The following TAB2 variants were observed in gnomAD, a reference collection of about 807,000 sequenced individuals.
TAB2 encodes the protein TGF-beta activated kinase 1 (MAP3K7) binding protein 2, also known as TGF-beta-activated kinase 1 and MAP3K7-binding protein 2.
A neutral mutation model predicts 65.0 loss-of-function variants in TAB2; 3 were observed. The observed-to-expected ratio is 0.05, with a 90% CI of 0.02 to 0.12. The LOEUF (loss-of-function observed/expected upper bound fraction) is 0.12. Among genes scored for constraint, TAB2 ranks in the 10% least tolerant of loss-of-function variants. TAB2 has a pLI of 1.00. For synonymous variants in TAB2, 298 were observed against 285.1 expected, an observed-to-expected ratio of 1.05 and a Z score of -0.46; for missense variants, 623 against 840.3, an observed-to-expected ratio of 0.74 and a Z score of 3.20.
chr6:149,376,739 G>A lies in TAB2; in HGVS notation c.103-1279G>A, dbSNP rs188440285. On this transcript the variant is annotated intron_variant, in intron 2 of 6. Coordinates refer to ENST00000637181, the MANE Select transcript of TAB2 (RefSeq NM_001292034.3). ...CTGTGGTTTGTCTCCCTTTCTAGGG[G>A]AAAAGTTTGGTTTTATATGTCTTTG... Among the ~76,000 whole-genome samples, 585 of 152,296 alleles carry A rather than the reference G, an allele frequency of 3.8e-3. 3 individuals carry two copies. The highest frequency in any genetic ancestry group is 0.02 in the Middle Eastern group (6 of 294).
intron 2 of TAB2, among the ~76,000 whole-genome samples, chr6:149,373,062 G>GTT (rs1208363285): frequency 2.6e-5 from 4 of 152,106 alleles, no homozygotes; most frequent in Non-Finnish European, 4.4e-5. Flanking sequence ...TTTCTCTTAA[G>GTT]TTTATCTGTT....
intron 2 of TAB2, among the ~76,000 whole-genome samples, chr6:149,376,655 C>T (rs1031798050): frequency 6.6e-6 from 1 of 152,172 alleles, no homozygotes; most frequent in Non-Finnish European, 1.5e-5. Flanking sequence ...TATTAATTCT[C>T]TATTGAACTT....
At chr6:149,267,139 G>C (rs1227586385) in intron 1 of TAB2, among the ~76,000 whole-genome samples, 1 of 152,170 alleles carries the variant, frequency 6.6e-6, no homozygotes, top group Non-Finnish European at 1.5e-5. Flanking sequence ...TGAGAATGGA[G>C]AGGAGAGAGG....
chr6:149,399,270 T>C, intron 6 of TAB2, 86 bp downstream of exon 6: 1 of 942,604 alleles, frequency 1.1e-6, no homozygotes, highest in East Asian at 2.5e-5. Context: ...CCTTCCTCTC[T>C]AGAATTGCTT....
intron 1 of TAB2, among the ~76,000 whole-genome samples, chr6:149,225,039 G>A (rs890238850): frequency 9.2e-5 from 14 of 152,186 alleles, no homozygotes; most frequent in Non-Finnish European, 1.9e-4. Flanking sequence ...TATTAATACT[G>A]TTTTGTGAAG....
At chr6:149,404,284 TAAAG>T (rs964048640) in intron 6 of TAB2, among the ~76,000 whole-genome samples, 9 of 152,066 alleles carry the variant, frequency 5.9e-5, no homozygotes, top group South Asian at 2.1e-4. Flanking sequence ...TGAAGGAAAT[TAAAG>T]AAGACACAGA....
At chr6:149,279,493 AG>A (rs749914495) in intron 1 of TAB2, among the ~76,000 whole-genome samples, 2 of 152,224 alleles carry the variant, frequency 1.3e-5, no homozygotes, top group Non-Finnish European at 2.9e-5. Flanking sequence ...CTACCCTTCA[AG>A]GGGACACGTG....
chr6:149,303,350 T>C (rs914812409), intron 1 of TAB2, among the ~76,000 whole-genome samples: 1 of 152,220 alleles, frequency 6.6e-6, no homozygotes, highest in Non-Finnish European at 1.5e-5. Flanking sequence ...CGGTCCCTAG[T>C]GCTAAAAATG....
chr6:149,309,862 C>CTG (rs928658779), intron 1 of TAB2, among the ~76,000 whole-genome samples: 1,541 of 137,584 alleles, frequency 0.011, 25 homozygotes, highest in African/African-American at 0.044. Context: ...CCAGGACACA[C>CTG]TGTGTGTGTG....
Position 149,306,043 on chromosome 6 carries a change from G to A in TAB2, c.-120-71975G>A, listed in dbSNP as rs534811230. On this transcript the variant is annotated intron_variant, in intron 1 of 1. Transcript: ENST00000606202. Reference sequence around the variant, plus strand: ...GTGAATTTTGTTCTAAGAGAAATAAGATGAAGGGAAAGAAGTGGGTGGGCT... The same window carrying A: ...GTGAATTTTGTTCTAAGAGAAATAAAATGAAGGGAAAGAAGTGGGTGGGCT... Among the ~76,000 whole-genome samples, 10 of 152,316 alleles carry A rather than the reference G, an allele frequency of 6.6e-5. No individual in the cohort carries two copies. In the South Asian group the frequency reaches 2.1e-3, roughly 32 times the overall value.
rs186369668 is a variant in TAB2, at chr6:149,312,564, T to C, written c.-120-65454T>C. On this transcript the variant is annotated intron_variant, in intron 1 of 1. Transcript: ENST00000606202. ...TTTTAGTAGAGATGGCGTTTCGCCA[T>C]GTTGGCCAGGCTGGCCTCTAACTTC... Among the ~76,000 whole-genome samples the C allele has an allele frequency of 1.7e-4, 26 of 152,342 alleles. No individual in the cohort carries two copies. The East Asian group carries it at 4.6e-3, about 27-fold the overall frequency.
chr6:149,281,287 T>C (rs9485368), intron 1 of TAB2, among the ~76,000 whole-genome samples: 2,992 of 152,172 alleles, frequency 0.02, 87 homozygotes, highest in African/African-American at 0.065. Flanking sequence ...TTATACTCCA[T>C]GCGAACTGGT....
chr6:149,369,718 G>A (rs1781157330), intron 1 of TAB2, among the ~76,000 whole-genome samples, 191 bp from the exon 2 acceptor site: 1 of 152,172 alleles, frequency 6.6e-6, no homozygotes, highest in African/African-American at 2.4e-5. Flanking sequence ...TAGACAGTAT[G>A]AAAGTTTACC....
At chr6:149,338,400 G>A (rs772517899) in intron 1 of TAB2, among the ~76,000 whole-genome samples, 14 of 152,124 alleles carry the variant, frequency 9.2e-5, no homozygotes, top group Non-Finnish European at 5.9e-5. Flanking sequence ...GTATTTTAAG[G>A]AATGTTAATT....
chr6:149,365,938 C>T (rs1214462782), intron 1 of TAB2, among the ~76,000 whole-genome samples: 1 of 151,928 alleles, frequency 6.6e-6, no homozygotes, highest in South Asian at 2.1e-4. Context: ...TTTTTTAGTT[C>T]TTAAATTTTT....
intron 1 of TAB2, among the ~76,000 whole-genome samples, chr6:149,241,392 G>A (rs1162487301): frequency 6.6e-6 from 1 of 152,140 alleles, no homozygotes; most frequent in Non-Finnish European, 1.5e-5. Flanking sequence ...TGTTGATCCT[G>A]CGTACTGTAA....
upstream of TAB2, among the ~76,000 whole-genome samples, chr6:149,317,047 CG>C (rs1779272629): frequency 2.0e-5 from 3 of 150,304 alleles, no homozygotes; most frequent in African/African-American, 7.3e-5. The surrounding 1 kb of genome is among the most constrained non-coding windows in gnomAD (Gnocchi z 4.7). Flanking sequence ...GGGGTCCGGC[CG>C]GGCCCCCGGA....
intron 1 of TAB2, chr6:149,245,054 G>A (rs1056687948): frequency 1.3e-5 from 2 of 152,188 alleles, no homozygotes; most frequent in Admixed American, 1.3e-4. Flanking sequence ...AGCTACCTTG[G>A]GGCTGAGCTG....
chr6:149,303,041 T>C (rs1778996934), intron 1 of TAB2, among the ~76,000 whole-genome samples: 1 of 152,236 alleles, frequency 6.6e-6, no homozygotes, highest in Non-Finnish European at 1.5e-5. Context: ...CTAGGTTGTG[T>C]GCTCCTTATG....
Sources: gnomAD v4.1 joint callset for allele counts (sites outside exome capture counted in the v4.1 genomes callset) on GRCh38, gnomAD v4.1.1 for gene constraint, Gnocchi (gnomAD v3.1) non-coding constraint, MANE v1.5 for transcripts, NCBI Gene and HGNC (gene_info 2026-07-23, HGNC 2026-07-21) for gene names.